PRSS57: variants seen among roughly 807,000 people sequenced by gnomAD.
PRSS57 encodes serine protease 57.
A neutral mutation model predicts 20.6 loss-of-function variants in PRSS57; 19 were observed. That is an observed-to-expected ratio of 0.92 (90% CI 0.64 to 1.35). The LOEUF is 1.35. Among genes scored for constraint, PRSS57 ranks in the 40% most tolerant of loss-of-function variants. PRSS57 has a pLI of 0.00. For missense variants in PRSS57, 440 were observed against 403.7 expected (o/e 1.09, Z -0.77); for synonymous variants, 203 against 176.6 (o/e 1.15, Z -1.19).
At chr19:688,601 A>AATTT (rs2031542429) in intron 3 of PRSS57, among the ~76,000 whole-genome samples, 1 of 71,008 alleles carries the variant, frequency 1.4e-5, no homozygotes, top group African/African-American at 7.3e-5. Context: ...CCACCCAGGG[A>AATTT]CTTTTTTTTT....
intron 2 of PRSS57, among the ~76,000 whole-genome samples, chr19:693,500 G>A (rs1018408424): frequency 6.6e-6 from 1 of 152,044 alleles, no homozygotes; most frequent in South Asian, 2.1e-4. Context: ...TAATGCTCAC[G>A]CCGGCCCCGT....
chr19:694,935 C>G lies in PRSS57; in HGVS notation c.112G>C (p.Glu38Gln), dbSNP rs780374901. ...SWGAQIIGGHEVTPHSRPYMA... is the reference protein window; with the variant it reads ...SWGAQIIGGHQVTPHSRPYMA... ...TAGGGCCTGGAGTGGGGGGTCACCT[C>G]GTGGCCCCCGATGATCTGGGCCCCC... Residue 38 changes from glutamate (E) to glutamine (Q), a missense_variant, in exon 2 of 5, where the codon GAG (glutamate) becomes CAG (glutamine). By Grantham distance (29) the Glu-to-Gln change is conservative. Transcript: ENST00000329267. 1 of 1,576,078 alleles carries G rather than the reference C, an allele frequency of 6.3e-7. No homozygotes were observed. Among genetic ancestry groups the G allele is most frequent in the Non-Finnish European group, 8.6e-7 (1 of 1,161,298 alleles).
At chr19:688,301 AAATTCACCC>A (rs2031532686) in intron 3 of PRSS57, among the ~76,000 whole-genome samples, 1 of 151,666 alleles carries the variant, frequency 6.6e-6, no homozygotes, top group Admixed American at 6.5e-5. Context: ...CAGATGAGAA[AAATTCACCC>A]AAAAGCTTTG....
At chr19:690,998 C>T in intron 3 of PRSS57, 2 of 394,146 alleles carry the variant, frequency 5.1e-6, no homozygotes, top group South Asian at 2.4e-5. Flanking sequence ...GGCTGCACTG[C>T]CACCCTGGGC....
intron 2 of PRSS57, among the ~76,000 whole-genome samples, chr19:693,044 C>T (rs1010479480): frequency 1.3e-5 from 2 of 151,638 alleles, no homozygotes; most frequent in African/African-American, 4.8e-5. Context: ...TCTCCTGCCT[C>T]AGCCTCCTGA....
chr19:691,726 G>A (rs1378388038), intron 3 of PRSS57, 132 bp downstream of exon 3: 78 of 777,036 alleles, frequency 1.0e-4, no homozygotes, highest in Non-Finnish European at 1.2e-4. Context: ...GGCTGAGGCA[G>A]GAGAATCACT....
At chr19:686,423 T>C (rs148695805) in intron 4 of PRSS57, among the ~76,000 whole-genome samples, 175 of 152,124 alleles carry the variant, frequency 1.2e-3, no homozygotes, top group African/African-American at 4.1e-3. Flanking sequence ...ATACTAATAG[T>C]GTAGCAGTTT....
chr19:688,249 C>T (rs553001050), intron 3 of PRSS57, among the ~76,000 whole-genome samples: 26 of 152,320 alleles, frequency 1.7e-4, no homozygotes, highest in African/African-American at 6.0e-4. Context: ...TGTGCGATGG[C>T]CTCTGGGTGA....
chr19:693,229 CCTTTTTT>C (rs1210858809), intron 2 of PRSS57, among the ~76,000 whole-genome samples: 1 of 109,128 alleles, frequency 9.2e-6, no homozygotes, highest in Non-Finnish European at 1.8e-5. Flanking sequence ...CCGCACCCGG[CCTTTTTT>C]TTTTTTTTTT....
intron 3 of PRSS57, among the ~76,000 whole-genome samples, chr19:689,775 C>T (rs1276718414): frequency 6.6e-6 from 1 of 152,102 alleles, no homozygotes; most frequent in African/African-American, 2.4e-5. Context: ...AAAAATTCGC[C>T]TGGCGCAGTG....
chr19:694,950 T>C lies in PRSS57; in HGVS notation c.97A>G (p.Ile33Val). ...VKPPGSWGAQ[I>V]IGGHEVTPHS... The stretch of plus-strand genomic sequence containing the variant: ...GGGGTCACCTCGTGGCCCCCGATGA[T>C]CTGGGCCCCCCAGGAGCCTGCTGGA... The change falls in exon 2 of 5, where the codon ATC (isoleucine) becomes GTC (valine). Residue 33 changes from isoleucine to valine, a missense_variant. Transcript: ENST00000329267. The C allele has an allele frequency of 6.4e-7, 1 of 1,563,372 alleles. No individual in the cohort carries two copies. Among genetic ancestry groups the C allele is most frequent in the South Asian group, 1.2e-5 (1 of 84,870 alleles).
chr19:685,770 A>T lies in PRSS57; in HGVS notation c.795T>A (p.Ser265Arg), dbSNP rs201976778. ...TCCCAGGCAGGGGGCCGGGCTGGGGACTGCTCCGCCGAACCACGTCCCAGA... is the reference window on the plus strand; with the variant it reads ...TCCCAGGCAGGGGGCCGGGCTGGGGTCTGCTCCGCCGAACCACGTCCCAGA... ...AWIWDVVRRS[S>R]PQPGPLPGTT... The change falls in exon 5 of 5, where the codon AGT becomes AGA. Residue 265 changes from serine (S) to arginine (R), a missense_variant. Transcript: ENST00000329267. 87 of 1,565,138 alleles carry T rather than the reference A, an allele frequency of 5.6e-5. No homozygotes were observed. Among genetic ancestry groups the T allele is most frequent in the Non-Finnish European group, 7.4e-5 (85 of 1,153,682 alleles).
In PRSS57 at chr19:685,813, G is replaced by GAC. The variant is rs2031457328; in HGVS notation, c.750_751dup (p.Ser251CysfsTer86). 6.4e-7 allele frequency: 1 copy of GAC among 1,566,540 alleles called. No individual in the cohort carries two copies. Among genetic ancestry groups the GAC allele is most frequent in the African/African-American group, 1.4e-5 (1 of 73,902 alleles). On this transcript the variant is annotated frameshift_variant, in exon 5 of 5. Transcript: ENST00000329267. LOFTEE classifies it low-confidence loss of function (END_TRUNC). ...GTCCCAGATCCAGGCCACAAAGGCG[G>GAC]ACACCTGCGTGTACACGTCGGGGGT... is the stretch of plus-strand genomic sequence containing the variant.
intron 2 of PRSS57, among the ~76,000 whole-genome samples, chr19:692,709 G>A (rs1220884845): frequency 6.6e-6 from 1 of 150,778 alleles, no homozygotes; most frequent in Admixed American, 6.6e-5. Context: ...GAGCCACGGT[G>A]CCCAGCCCCC....
chr19:689,395 G>C (rs552660641), intron 3 of PRSS57, among the ~76,000 whole-genome samples: 1 of 152,052 alleles, frequency 6.6e-6, no homozygotes, highest in Non-Finnish European at 1.5e-5. Context: ...AAAGGCTCGC[G>C]GTGTCTGGGG....
rs191179702 is a variant in PRSS57, at chr19:691,687, C to G, written c.378+171G>C. 6.6e-5 allele frequency among the ~76,000 whole-genome samples: 10 copies of G among 151,496 alleles called. No homozygotes were observed. The East Asian group carries it at 1.9e-3, about 30-fold the overall frequency. ...TACAAAAATTAGATGGGCTTGGTGGCGCGCACCTGTAATCCCATGTACTTG... is the reference window on the plus strand; with the variant it reads ...TACAAAAATTAGATGGGCTTGGTGGGGCGCACCTGTAATCCCATGTACTTG... On this transcript the variant is annotated intron_variant, in intron 3 of 4. Transcript: ENST00000329267.
chr19:692,024 T>C (rs1274901391), intron 2 of PRSS57, 22 bp from the exon 3 acceptor site: 4 of 1,305,112 alleles, frequency 3.1e-6, no homozygotes, highest in Non-Finnish European at 3.9e-6. Context: ...AGGTGGTGGG[T>C]GAGACGGGGG....
chr19:695,093 C>T, intron 1 of PRSS57, 126 bp from the exon 2 acceptor site: 3 of 969,610 alleles, frequency 3.1e-6, no homozygotes, highest in South Asian at 4.2e-5. Context: ...CGGAGAGACC[C>T]AGAGAGCTGG....
intron 3 of PRSS57, chr19:690,698 G>A (rs984853866): frequency 7.0e-5 from 22 of 315,844 alleles, no homozygotes; most frequent in Admixed American, 1.2e-4. Flanking sequence ...TGTTCCCACC[G>A]GGGACTACAA....
Sources: gnomAD v4.1 joint callset for allele counts (sites outside exome capture counted in the v4.1 genomes callset) on GRCh38, gnomAD v4.1.1 for gene constraint, MANE v1.5 for transcripts, NCBI Gene and HGNC (gene_info 2026-07-23, HGNC 2026-07-21) for gene names.